PDE3A: variants seen among roughly 807,000 people sequenced by gnomAD.
PDE3A encodes cGMP-inhibited 3',5'-cyclic phosphodiesterase 3A.
In PDE3A, 43 loss-of-function variants were observed where a neutral mutation model predicts 98.3. The ratio of observed to expected loss-of-function variants is 0.44; its 90% CI spans 0.34 to 0.56. The LOEUF is 0.56. Among genes scored for constraint, PDE3A ranks in the 20% least tolerant of loss-of-function variants. The pLI, the probability that PDE3A is intolerant of heterozygous loss-of-function variation, is 0.01. For missense variants in PDE3A, 1,427 were observed against 1,440.7 expected (o/e 0.99, Z 0.15); for synonymous variants, 663 against 567.9 (o/e 1.17, Z -2.38).
chr12:20,429,134 C>T (rs1313032010), intron 1 of PDE3A, among the ~76,000 whole-genome samples: 1 of 152,164 alleles, frequency 6.6e-6, no homozygotes, highest in East Asian at 1.9e-4. Context: ...CTCAAAGTCT[C>T]TATACAGTTT....
chr12:20,424,407 A>AT (rs111409650), intron 1 of PDE3A, among the ~76,000 whole-genome samples: 53,414 of 151,818 alleles, frequency 0.35, 9,520 homozygotes, highest in African/African-American at 0.43. Context: ...TAGTAGAAAA[A>AT]TTTTTCTATA....
At chr12:20,483,306 T>C (rs1271643766) in intron 1 of PDE3A, among the ~76,000 whole-genome samples, 1 of 152,146 alleles carries the variant, frequency 6.6e-6, no homozygotes, top group Non-Finnish European at 1.5e-5. Context: ...GGAGAATTGT[T>C]TGAACCCCGG....
At position 20,582,665 on chromosome 12, in the gene PDE3A, G is replaced by A. The variant is rs182528634; in HGVS notation, c.1011+25955G>A. 5.6e-3 allele frequency among the ~76,000 whole-genome samples: 845 copies of A among 152,190 alleles called. 5 individuals are homozygous for A. The highest frequency in any genetic ancestry group is 0.037 in the Middle Eastern group (11 of 294). ...TGAAACCATATTTATTGCAACTACA[G>A]ATATTGATATTTATAGGAATATGTT... is the stretch of plus-strand genomic sequence containing the variant. On this transcript the variant is annotated intron_variant, in intron 2 of 15. Transcript: ENST00000359062.
chr12:20,668,832 G>C (rs975104871), intron 15 of PDE3A, among the ~76,000 whole-genome samples: 24 of 151,738 alleles, frequency 1.6e-4, no homozygotes, highest in African/African-American at 5.4e-4. Flanking sequence ...ACCAGCAACG[G>C]AACAAAGCTA....
chr12:20,502,591 CAA>C (rs1946043275), intron 1 of PDE3A, among the ~76,000 whole-genome samples: 1 of 152,138 alleles, frequency 6.6e-6, no homozygotes, highest in African/African-American at 2.4e-5. Context: ...GCAGGTCTAG[CAA>C]ATAGAATGCA....
chr12:20,662,541 C>G (rs935494824), intron 15 of PDE3A, among the ~76,000 whole-genome samples: 3 of 152,154 alleles, frequency 2.0e-5, no homozygotes, highest in African/African-American at 7.2e-5. Flanking sequence ...TTTGTTTCAG[C>G]AAGGAAACTG....
intron 1 of PDE3A, among the ~76,000 whole-genome samples, chr12:20,481,118 T>C (rs930772196): frequency 6.6e-6 from 1 of 152,204 alleles, no homozygotes; most frequent in Admixed American, 6.5e-5. Flanking sequence ...AAAACTTGAT[T>C]GAATGCTTTC....
At chr12:20,591,114 A>G (rs1478624318) in intron 2 of PDE3A, among the ~76,000 whole-genome samples, 1 of 152,228 alleles carries the variant, frequency 6.6e-6, no homozygotes, top group African/African-American at 2.4e-5. Flanking sequence ...CCTTTCTGGC[A>G]TATTATGCCT....
chr12:20,515,894 G>A (rs7954297), intron 1 of PDE3A, among the ~76,000 whole-genome samples: 1,661 of 149,986 alleles, frequency 0.011, 31 homozygotes, highest in African/African-American at 0.038. Context: ...CACTACGCCC[G>A]GCTAATTTTT....
rs143389439 is a variant in PDE3A at position 20,633,711 on chromosome 12, C to T, written c.1779C>T (p.Ser593=). Residue 593 remains serine (S), a synonymous_variant, in exon 7 of 16, where the codon TCC becomes TCT. Coordinates refer to ENST00000359062, the MANE Select transcript of PDE3A (RefSeq NM_000921.5). ...VICSSCGRPY[S]QGNPADEPLE... is the part of the protein sequence containing the mutation. ...TTTTTAGCTGTGGCAGACCATATTCCCAAGGGAATCCTGCTGATGAGCCCC... is the reference window on the plus strand; with the variant it reads ...TTTTTAGCTGTGGCAGACCATATTCTCAAGGGAATCCTGCTGATGAGCCCC... 5.8e-5 allele frequency: 93 copies of T among 1,609,696 alleles called. No individual in the cohort carries two copies. The African/African-American group carries it at 1.1e-3, about 20-fold the overall frequency.
At chr12:20,523,358 G>A (rs956012228) in intron 1 of PDE3A, among the ~76,000 whole-genome samples, 3 of 152,168 alleles carry the variant, frequency 2.0e-5, no homozygotes, top group Non-Finnish European at 4.4e-5. Context: ...AAAACTTAGA[G>A]AATATGCAGA....
chr12:20,384,896 G>A (rs1943724108), intron 1 of PDE3A, among the ~76,000 whole-genome samples: 1 of 152,126 alleles, frequency 6.6e-6, no homozygotes, highest in South Asian at 2.1e-4. Context: ...ATTCCATGGT[G>A]TATATGTACC....
In PDE3A at chr12:20,687,268, A is replaced by G. The variant is rs1479442298; in HGVS notation, c.*6997A>G. ...TAAAATTCCCAACTGATTATGGGTC[A>G]AAAACTCCATCTTATATCAGCGATG... is the stretch of plus-strand genomic sequence containing the variant. On this transcript the variant is annotated 3_prime_UTR_variant, in exon 16 of 16. Transcript: ENST00000359062. 6.6e-6 allele frequency among the ~76,000 whole-genome samples: 1 copy of G among 152,070 alleles called. No individual in the cohort carries two copies. Among genetic ancestry groups the G allele is most frequent in the African/African-American group, 2.4e-5 (1 of 41,440 alleles).
intron 1 of PDE3A, among the ~76,000 whole-genome samples, chr12:20,386,351 A>G (rs778706820): frequency 6.8e-6 from 1 of 147,780 alleles, no homozygotes; most frequent in Non-Finnish European, 1.5e-5. Context: ...TGGTATCTCA[A>G]TGTGGTTTTG....
At position 20,655,569 on chromosome 12, in the gene PDE3A, C is replaced by T. The variant is rs141781934; in HGVS notation, c.3184+1364C>T. ...TATCACTAGAGACAGAAACTAAAAA[C>T]CATGGTTTCAGGTGCTAAAAGCCTA... On this transcript the variant is annotated intron_variant, in intron 15 of 15. Coordinates refer to ENST00000359062, the MANE Select transcript of PDE3A (RefSeq NM_000921.5). Among the ~76,000 whole-genome samples the T allele has an allele frequency of 8.2e-4, 125 of 152,248 alleles. No homozygotes were observed. In the East Asian group the frequency reaches 0.018, roughly 22 times the overall value.
intron 1 of PDE3A, among the ~76,000 whole-genome samples, chr12:20,427,023 C>A (rs942522139): frequency 6.6e-6 from 1 of 152,114 alleles, no homozygotes; most frequent in Non-Finnish European, 1.5e-5. Context: ...ACTTTTTATT[C>A]AGTCTAGTTT....
At chr12:20,647,553 T>A (rs190931654) in intron 12 of PDE3A, among the ~76,000 whole-genome samples, 1 of 152,216 alleles carries the variant, frequency 6.6e-6, no homozygotes, top group Non-Finnish European at 1.5e-5. Context: ...TACAATCAAA[T>A]TTAGCCCCTC....
chr12:20,391,404 T>G, intron 1 of PDE3A, among the ~76,000 whole-genome samples: 1 of 147,388 alleles, frequency 6.8e-6, no homozygotes, highest in East Asian at 2.0e-4. Flanking sequence ...CACACATACA[T>G]GCATTATACA....
At chr12:20,601,116 A>G (rs1943580690) in intron 2 of PDE3A, among the ~76,000 whole-genome samples, 1 of 152,220 alleles carries the variant, frequency 6.6e-6, no homozygotes, top group South Asian at 2.1e-4. Flanking sequence ...ACATATAGAC[A>G]TACCAAAAGC....
Sources: allele counts gnomAD v4.1 joint callset (sites outside exome capture counted in the v4.1 genomes callset), GRCh38; gene constraint gnomAD v4.1.1; transcripts MANE v1.5; gene names NCBI Gene and HGNC (gene_info 2026-07-23, HGNC 2026-07-21).